Variants in EXOC6B observed in about 807,000 individuals in gnomAD.
The protein encoded by EXOC6B is SEC15 homolog B.
A neutral mutation model predicts 113.5 loss-of-function variants in EXOC6B; 54 were observed. That is an observed-to-expected ratio of 0.48 (90% CI 0.38 to 0.60). The LOEUF is 0.60. Among genes scored for constraint, EXOC6B ranks in the 20% least tolerant of loss-of-function variants. EXOC6B has a pLI of 0.00. For synonymous variants in EXOC6B, 357 were observed against 339.0 expected, an observed-to-expected ratio of 1.05 and a Z score of -0.58; for missense variants, 797 against 977.5, an observed-to-expected ratio of 0.82 and a Z score of 2.46.
intron 7 of EXOC6B, among the ~76,000 whole-genome samples, chr2:72,565,786 A>C (rs548381657): frequency 6.6e-6 from 1 of 152,298 alleles, no homozygotes; most frequent in African/African-American, 2.4e-5. Context: ...AAAAGCTTAA[A>C]ATAAATACTC....
chr2:72,710,451 C>T (rs1166748132), intron 6 of EXOC6B, among the ~76,000 whole-genome samples: 1 of 151,910 alleles, frequency 6.6e-6, no homozygotes, highest in African/African-American at 2.4e-5. Flanking sequence ...GAGATCCCAC[C>T]TTACCCCAGA....
intron 18 of EXOC6B, among the ~76,000 whole-genome samples, chr2:72,444,536 T>C (rs1696444552): frequency 6.6e-6 from 1 of 152,180 alleles, no homozygotes. Context: ...TCCATGAGAG[T>C]TCTGCCCCTG....
chr2:72,597,358 A>T (rs1670137156), intron 6 of EXOC6B, among the ~76,000 whole-genome samples: 1 of 151,796 alleles, frequency 6.6e-6, no homozygotes, highest in South Asian at 2.1e-4. Context: ...GAAGCATTAC[A>T]CTGTTATTTG....
chr2:72,596,529 T>C (rs988875020), intron 6 of EXOC6B, among the ~76,000 whole-genome samples: 2 of 152,064 alleles, frequency 1.3e-5, no homozygotes, highest in Admixed American at 6.6e-5. Context: ...GTAACCATTT[T>C]GAAATATGCT....
chr2:72,480,607 C>A lies in EXOC6B; in HGVS notation c.1800+9G>T. On this transcript the variant is annotated intron_variant, in intron 17 of 21. Transcript: ENST00000272427. ...GAAGCAGTTCCACAGTACTGTAGGG[C>A]CCTCTCACCTTAAAAGTTGTGGTGC... 5 of 1,573,866 alleles carry A rather than the reference C, an allele frequency of 3.2e-6. No individual in the cohort carries two copies. The highest frequency in any genetic ancestry group is 4.3e-6 in the Non-Finnish European group (5 of 1,157,912).
intron 1 of EXOC6B, among the ~76,000 whole-genome samples, chr2:72,796,436 G>A (rs1167757591): frequency 6.8e-6 from 1 of 146,118 alleles, no homozygotes; most frequent in Non-Finnish European, 1.5e-5. Flanking sequence ...ATGGGTGACA[G>A]AGTGAGACTC....
intron 6 of EXOC6B, among the ~76,000 whole-genome samples, chr2:72,641,352 C>T (rs1673215760): frequency 6.6e-6 from 1 of 152,224 alleles, no homozygotes; most frequent in South Asian, 2.1e-4. Context: ...TCAGGCCACT[C>T]CCACCCAAAT....
At chr2:72,813,371 C>A (rs935173089) in intron 1 of EXOC6B, among the ~76,000 whole-genome samples, 2 of 152,280 alleles carry the variant, frequency 1.3e-5, no homozygotes, top group South Asian at 2.1e-4. Flanking sequence ...TACAGGTGAG[C>A]TACCACACCC....
At chr2:72,423,782 T>C (rs1274530105) in intron 18 of EXOC6B, among the ~76,000 whole-genome samples, 1 of 152,074 alleles carries the variant, frequency 6.6e-6, no homozygotes, top group African/African-American at 2.4e-5. Context: ...CACACACACA[T>C]GAACACACAC....
chr2:72,504,473 A>G (rs1700496860), intron 11 of EXOC6B, among the ~76,000 whole-genome samples: 1 of 152,150 alleles, frequency 6.6e-6, no homozygotes, highest in Non-Finnish European at 1.5e-5. Context: ...ATGCTATTGT[A>G]TATAGCTATA....
chr2:72,688,568 A>G (rs1309332998), intron 6 of EXOC6B, among the ~76,000 whole-genome samples: 1 of 151,974 alleles, frequency 6.6e-6, no homozygotes, highest in Non-Finnish European at 1.5e-5. Flanking sequence ...GCAGGAGGAG[A>G]GAAGAGGTGG....
intron 7 of EXOC6B, among the ~76,000 whole-genome samples, chr2:72,565,257 G>A (rs1704092946): frequency 6.6e-6 from 1 of 150,962 alleles, no homozygotes; most frequent in Non-Finnish European, 1.5e-5. Flanking sequence ...AGGCTGAAGT[G>A]GGAGGATCGC....
chr2:72,282,568 A>C (rs1225715966), intron 20 of EXOC6B, among the ~76,000 whole-genome samples: 1 of 152,116 alleles, frequency 6.6e-6, no homozygotes, highest in Non-Finnish European at 1.5e-5. Flanking sequence ...TTTAAATCCC[A>C]ATGTATCACT....
At chr2:72,259,737 C>A (rs1683588369) in intron 20 of EXOC6B, among the ~76,000 whole-genome samples, 1 of 152,138 alleles carries the variant, frequency 6.6e-6, no homozygotes, top group Admixed American at 6.6e-5. Flanking sequence ...GCATGCCATG[C>A]TGGATTTTTT....
At chr2:72,695,487 TG>T (rs904852607) in intron 6 of EXOC6B, among the ~76,000 whole-genome samples, 8 of 152,148 alleles carry the variant, frequency 5.3e-5, no homozygotes, top group African/African-American at 1.9e-4. Context: ...GGTTTTTTTT[TG>T]AACAGAGAAA....
intron 6 of EXOC6B, among the ~76,000 whole-genome samples, chr2:72,587,820 G>GCAA (rs1158139466): frequency 1.3e-5 from 2 of 151,398 alleles, no homozygotes; most frequent in Non-Finnish European, 2.9e-5. Flanking sequence ...TTCCTTAAAT[G>GCAA]CAACAACAAC....
At chr2:72,393,070 G>T (rs1660968438) in intron 18 of EXOC6B, among the ~76,000 whole-genome samples, 1 of 151,084 alleles carries the variant, frequency 6.6e-6, no homozygotes, top group South Asian at 2.1e-4. Flanking sequence ...TGAAGGTTTG[G>T]TTTTTTTGTT....
At position 72,508,800 on chromosome 2, in the gene EXOC6B, A is replaced by T. The variant is rs1479638047; in HGVS notation, c.1167+4332T>A. On this transcript the variant is annotated intron_variant, in intron 11 of 21. Transcript: ENST00000272427. ...AAAAGTAAATAAATAAATAAAAATA[A>T]ATAAAATAAATAAACAAAAATTAAG... Among the ~76,000 whole-genome samples, 3 of 152,086 alleles carry T rather than the reference A, an allele frequency of 2.0e-5. No individual in the cohort carries two copies. In the East Asian group the frequency reaches 5.8e-4, roughly 29 times the overall value.
At chr2:72,500,976 C>T (rs990422474) in intron 11 of EXOC6B, among the ~76,000 whole-genome samples, 6 of 152,200 alleles carry the variant, frequency 3.9e-5, no homozygotes, top group African/African-American at 1.4e-4. Flanking sequence ...AGTATCGATA[C>T]CAAATATCCA....
Sources: gnomAD v4.1 joint callset for allele counts (sites outside exome capture counted in the v4.1 genomes callset) on GRCh38, gnomAD v4.1.1 for gene constraint, MANE v1.5 for transcripts, NCBI Gene and HGNC (gene_info 2026-07-23, HGNC 2026-07-21) for gene names.